The following DCAF8L2 variants were observed in gnomAD, a reference collection of about 807,000 sequenced individuals.
DCAF8L2 encodes the protein DDB1- and CUL4-associated factor 8-like protein 2.
For synonymous variants in DCAF8L2, 200 were observed against 190.9 expected (o/e 1.05, Z -0.39); for missense variants, 430 against 490.7 (o/e 0.88, Z 1.17).
At chrX:27,699,287 G>T (rs756608515) in intron 3 of DCAF8L2, among the ~76,000 whole-genome samples, 4 of 111,756 alleles carry the variant, frequency 3.6e-5, no homozygotes, top group Non-Finnish European at 5.6e-5. Context: ...CAGGAAGACA[G>T]CACAAAAAGG....
At chrX:27,601,697 C>A (rs1338623340) in intron 1 of DCAF8L2, among the ~76,000 whole-genome samples, 1 of 103,499 alleles carries the variant, frequency 9.7e-6, no homozygotes, top group African/African-American at 3.5e-5. Flanking sequence ...GAGACTCAGT[C>A]TCAAAAAAAA....
At chrX:27,665,043 G>A (rs927957006) in intron 2 of DCAF8L2, among the ~76,000 whole-genome samples, 1 of 110,842 alleles carries the variant, frequency 9.0e-6, no homozygotes, top group Non-Finnish European at 1.9e-5. Flanking sequence ...AGATCAAGGG[G>A]TAATTTTGAC....
chrX:27,620,371 A>G (rs1287156838), intron 1 of DCAF8L2, among the ~76,000 whole-genome samples: 1 of 112,104 alleles, frequency 8.9e-6, no homozygotes, highest in Non-Finnish European at 1.9e-5. Context: ...AAATAGACAA[A>G]TTAAACTTTG....
intron 3 of DCAF8L2, among the ~76,000 whole-genome samples, chrX:27,711,502 A>C (rs1218629770): frequency 2.8e-5 from 3 of 108,615 alleles, no homozygotes; most frequent in Non-Finnish European, 5.7e-5. Context: ...TTGTCACACA[A>C]AAGTAACTAT....
At chrX:27,528,476 G>GTATATATATATATATATATA in the DCAF8L2 span, among the ~76,000 whole-genome samples, 5 of 83,452 alleles carry the variant, frequency 6.0e-5, no homozygotes, top group Admixed American at 2.8e-4. Context: ...ATGTGTATGT[G>GTATATATATATATATATATA]TATATATATA....
intron 4 of DCAF8L2, among the ~76,000 whole-genome samples, chrX:27,745,726 G>C (rs1052860627): frequency 9.0e-6 from 1 of 111,560 alleles, no homozygotes; most frequent in African/African-American, 3.3e-5. Flanking sequence ...GCAGTTTACT[G>C]TAGCCCTTTG....
At chrX:27,514,197 T>C in the DCAF8L2 span, among the ~76,000 whole-genome samples, 5 of 80,406 alleles carry the variant, frequency 6.2e-5, no homozygotes, top group East Asian at 1.0e-3. Context: ...CGTGCACACA[T>C]ATGTACATGT....
intron 2 of DCAF8L2, among the ~76,000 whole-genome samples, chrX:27,636,892 G>A (rs1285103852): frequency 8.9e-6 from 1 of 111,748 alleles, no homozygotes; most frequent in Non-Finnish European, 1.9e-5. Flanking sequence ...TTTTCCTTTA[G>A]GTCACTAGGC....
intron 2 of DCAF8L2, among the ~76,000 whole-genome samples, chrX:27,663,864 A>AT (rs80069253): frequency 0.2 from 13,949 of 68,930 alleles, 1,785 homozygotes; most frequent in Non-Finnish European, 0.26. Context: ...CACCTGGCTA[A>AT]TTTTTTTTTT....
chrX:27,565,545 A>G, the DCAF8L2 span, among the ~76,000 whole-genome samples: 2 of 111,792 alleles, frequency 1.8e-5, no homozygotes, highest in East Asian at 5.6e-4. Flanking sequence ...TTTTTATGAC[A>G]GAGTGATGTT....
the DCAF8L2 span, among the ~76,000 whole-genome samples, chrX:27,520,480 T>C: frequency 8.9e-6 from 1 of 112,107 alleles, no homozygotes; most frequent in East Asian, 2.8e-4. Context: ...GAAAGTTTCA[T>C]AAATGGCTAA....
At chrX:27,509,830 TG>T in the DCAF8L2 span, among the ~76,000 whole-genome samples, 1 of 111,401 alleles carries the variant, frequency 9.0e-6, no homozygotes, top group South Asian at 3.7e-4. Flanking sequence ...AAAAAGAAAG[TG>T]AATATGTGTA....
In DCAF8L2 at chrX:27,748,555, A is replaced by G. The variant is rs181130142; in HGVS notation, c.1660A>G (p.Lys554Glu). 8.3e-7 allele frequency: 1 copy of G among 1,209,687 alleles called. No individual in the cohort carries two copies. The highest frequency in any genetic ancestry group is 3.0e-5 in the East Asian group (1 of 33,742). The change falls in exon 5 of 5, where the codon AAG (lysine) becomes GAG (glutamate). Residue 554 changes from lysine to glutamate, a missense_variant. Lys to Glu is a moderately conservative substitution (Grantham distance 56, BLOSUM62 1). Coordinates refer to ENST00000451261, the MANE Select transcript of DCAF8L2 (RefSeq NM_001353450.2). ...AKAATELTGLKKVIKKNKWER... is the reference protein window; with the variant it reads ...AKAATELTGLEKVIKKNKWER... Reference sequence around the variant, plus strand: ...AGCTGCCACTGAGCTTACTGGGTTAAAGAAGGTGATTAAGAAGAACAAGTG... The same window carrying G: ...AGCTGCCACTGAGCTTACTGGGTTAGAGAAGGTGATTAAGAAGAACAAGTG...
intron 2 of DCAF8L2, among the ~76,000 whole-genome samples, chrX:27,635,947 G>A (rs1391429058): frequency 9.2e-6 from 1 of 109,283 alleles, no homozygotes; most frequent in African/African-American, 3.3e-5. Context: ...AAGTAGCTGG[G>A]ATTACAGGCG....
Position 27,621,528 on chromosome X carries a change from G to A in DCAF8L2, c.-341-10351G>A, listed in dbSNP as rs889468387. On this transcript the variant is annotated intron_variant, in intron 1 of 4. Transcript: ENST00000451261. ...ACCCACCACAGTAAAGGAAAAAAGT[G>A]GCCTATAGCCATATATAAAATAGGC... Among the ~76,000 whole-genome samples the A allele has an allele frequency of 2.7e-5, 3 of 111,461 alleles. No homozygotes were observed. The Admixed American group carries it at 2.9e-4, about 11-fold the overall frequency.
At chrX:27,640,734 T>C (rs12557135) in intron 2 of DCAF8L2, among the ~76,000 whole-genome samples, 1 of 112,233 alleles carries the variant, frequency 8.9e-6, no homozygotes, top group African/African-American at 3.2e-5. Flanking sequence ...TAAATCTTTG[T>C]CTGCCCTTCA....
chrX:27,513,720 G>T, the DCAF8L2 span, among the ~76,000 whole-genome samples: 14 of 104,991 alleles, frequency 1.3e-4, no homozygotes, highest in Admixed American at 5.1e-4. Context: ...AAAAAAAAAA[G>T]GGAACAAAGT....
the DCAF8L2 span, among the ~76,000 whole-genome samples, chrX:27,557,352 T>C: frequency 3.2e-3 from 363 of 112,310 alleles, 1 homozygote; most frequent in Non-Finnish European, 5.2e-3. Flanking sequence ...GGTAATATGT[T>C]AATTATTTAA....
chrX:27,514,663 C>T, the DCAF8L2 span, among the ~76,000 whole-genome samples: 3 of 47,819 alleles, frequency 6.3e-5, no homozygotes, highest in African/African-American at 2.6e-4. Context: ...AGCGAGACTC[C>T]GTCTCAAAAA....
Sources: gnomAD v4.1 joint callset for allele counts (sites outside exome capture counted in the v4.1 genomes callset) on GRCh38, gnomAD v4.1.1 for gene constraint, MANE v1.5 for transcripts, NCBI Gene and HGNC (gene_info 2026-07-23, HGNC 2026-07-21) for gene names.